The following SRA1 variants were observed in gnomAD, a reference collection of about 807,000 sequenced individuals.
SRA1 encodes lncRNA SRA.
SRA1 carries 25 observed loss-of-function variants against 24.3 expected under a neutral mutation model. The observed-to-expected ratio is 1.03, with a 90% confidence interval of 0.75 to 1.43. The LOEUF (loss-of-function observed/expected upper bound fraction) is 1.43, where lower values mean the gene tolerates loss of function less well. Among genes scored for constraint, SRA1 ranks in the 40% most tolerant of loss-of-function variants. The pLI is 0.00. For missense variants in SRA1, 303 were observed against 286.6 expected, an observed-to-expected ratio of 1.06 and a Z score of -0.41; for synonymous variants, 104 against 109.5, an observed-to-expected ratio of 0.95 and a Z score of 0.31.
intron 2 of SRA1, among the ~76,000 whole-genome samples, chr5:140,553,618 G>A (rs747047199): frequency 6.6e-6 from 1 of 152,190 alleles, no homozygotes; most frequent in Non-Finnish European, 1.5e-5. Flanking sequence ...TTGAGTCAAT[G>A]GTACTGGGAA....
At chr5:140,554,110 A>T (rs892833057) in intron 2 of SRA1, among the ~76,000 whole-genome samples, 2 of 151,912 alleles carry the variant, frequency 1.3e-5, no homozygotes, top group African/African-American at 4.8e-5. Context: ...CCAAAATCTG[A>T]TCACCCCCTT....
chr5:140,553,255 C>G (rs1347885592), intron 2 of SRA1, among the ~76,000 whole-genome samples: 1 of 150,932 alleles, frequency 6.6e-6, no homozygotes, highest in East Asian at 1.9e-4. Flanking sequence ...GCAGGAGGAT[C>G]GCTTGAGCCC....
Position 140,550,787 on chromosome 5 carries a change from C to T in SRA1, c.588G>A (p.Leu196=), listed in dbSNP as rs773072439. Reference sequence around the variant, plus strand: ...CTTCATTGGCTGCCTCCTCTGAAAACAGACTCCTCTTTTCTGCAATTAATC... The same window carrying T: ...CTTCATTGGCTGCCTCCTCTGAAAATAGACTCCTCTTTTCTGCAATTAATC... The part of the protein sequence containing the change: ...VKRLIAEKRS[L]FSEEAANEEK... The change falls in exon 5 of 5, where the codon CTG becomes CTA. Residue 196 remains leucine (L), a synonymous_variant. Transcript: ENST00000336283. 1.2e-6 allele frequency: 2 copies of T among 1,614,186 alleles called. No individual in the cohort carries two copies. The highest frequency in any genetic ancestry group is 8.5e-7 in the Non-Finnish European group (1 of 1,180,018).
chr5:140,555,726 A>T (rs758867923), intron 2 of SRA1, among the ~76,000 whole-genome samples: 10 of 152,086 alleles, frequency 6.6e-5, no homozygotes, highest in Admixed American at 2.6e-4. Flanking sequence ...CCTAAACTTC[A>T]CATGGCCCCC....
At position 140,550,674 on chromosome 5, in the gene SRA1, G is replaced by A. The variant is rs758350901; in HGVS notation, c.*26C>T. 6.2e-7 allele frequency: 1 copy of A among 1,608,782 alleles called. No homozygotes were observed. The highest frequency in any genetic ancestry group is 8.5e-7 in the Non-Finnish European group (1 of 1,175,184). On this transcript the variant is annotated 3_prime_UTR_variant, in exon 5 of 5. Transcript: ENST00000336283. ...AGGTCTCCAAGGCATAGGAGATGGT[G>A]TCCGGTGAGTCTGGGGAACCGAGGA...
At position 140,557,441 on chromosome 5, in the gene SRA1, C is replaced by T. The variant is rs761283470; in HGVS notation, c.12G>A (p.Leu4=). The change falls in exon 1 of 5, where the codon CTG becomes CTA. Residue 4 remains leucine (L), a synonymous_variant. Transcript: ENST00000336283. Reference sequence around the variant, plus strand: ...GGCTGCGCTCACCCGGCTTCACGTACAGCTCCGCCATCTCCACTTCCGCTT... The same window carrying T: ...GGCTGCGCTCACCCGGCTTCACGTATAGCTCCGCCATCTCCACTTCCGCTT... The part of the protein sequence containing the change: MAE[L]YVKPGNKERG... 8 of 1,564,486 alleles carry T rather than the reference C, an allele frequency of 5.1e-6. No homozygotes were observed. The highest frequency in any genetic ancestry group is 4.6e-5 in the South Asian group (4 of 86,934).
At chr5:140,552,355 G>A (rs1754589393) in intron 2 of SRA1, among the ~76,000 whole-genome samples, 171 bp from the exon 3 acceptor site, 1 of 152,188 alleles carries the variant, frequency 6.6e-6, no homozygotes, top group South Asian at 2.1e-4. Flanking sequence ...CTAAAGATTA[G>A]AAAAGTAAAC....
In SRA1 at chr5:140,550,888, C is replaced by T. The variant is rs766126898; in HGVS notation, c.487G>A (p.Ala163Thr). The T allele has an allele frequency of 5.0e-6, 8 of 1,613,964 alleles. No homozygotes were observed. In the East Asian group the frequency reaches 1.6e-4, roughly 31 times the overall value. ...AGGGAGCGGTGGATGTCATCTGCTG[C>T]GTCCCACCGGTGGCTTGAAAGCTCT... ...VQELSSHRWD[A>T]ADDIHRSLMV... Residue 163 changes from alanine to threonine, a missense_variant, in exon 5 of 5, where the codon GCA (alanine) becomes ACA (threonine). By Grantham distance (58) the Ala-to-Thr change is moderately conservative (BLOSUM62 0). Coordinates refer to ENST00000336283, the MANE Select transcript of SRA1 (RefSeq NM_001035235.4).
At chr5:140,557,060 G>C in intron 2 of SRA1, 87 bp downstream of exon 2, 1 of 1,282,866 alleles carries the variant, frequency 7.8e-7, no homozygotes, top group Non-Finnish European at 1.1e-6. Flanking sequence ...CCCTCGGGGA[G>C]AGAAAAAAGC....
intron 2 of SRA1, 57 bp from the exon 3 acceptor site, chr5:140,552,241 C>CT (rs113169291): frequency 5.4e-6 from 7 of 1,292,736 alleles, no homozygotes; most frequent in African/African-American, 1.5e-5. Context: ...AAGCTTAACT[C>CT]TAAATTCACC....
rs1215430893 is a variant in SRA1, at chr5:140,552,185, C to A, written c.152-1G>T. 4 of 1,555,374 alleles carry A rather than the reference C, an allele frequency of 2.6e-6. No individual in the cohort carries two copies. Among genetic ancestry groups the A allele is most frequent in the Admixed American group, 2.0e-5 (1 of 50,602 alleles). On this transcript the variant is annotated splice_acceptor_variant, in intron 2 of 4. Transcript: ENST00000336283. LOFTEE classifies it high-confidence loss of function. ...CCAGGAGAAGTCTCTGATGCGGGGA[C>A]TGAAAAGGTACAGCAGGATCAAGCA...
At chr5:140,553,477 T>C (rs1245238198) in intron 2 of SRA1, among the ~76,000 whole-genome samples, 1 of 152,188 alleles carries the variant, frequency 6.6e-6, no homozygotes, top group African/African-American at 2.4e-5. Context: ...GGAAAACTTT[T>C]GATTTGTTCA....
chr5:140,550,092 T>C lies in SRA1; in HGVS notation c.*608A>G, dbSNP rs1222278908. 2 of 155,300 alleles carry C rather than the reference T, an allele frequency of 1.3e-5. No homozygotes were observed. The highest frequency in any genetic ancestry group is 4.8e-5 in the African/African-American group (2 of 41,472). 9.6% of individuals were successfully genotyped at this position (155,300 alleles called of 1,614,324 possible). A position where few individuals can be genotyped will look rare whatever the true frequency, so the allele number is the denominator to read the frequency against. On this transcript the variant is annotated 3_prime_UTR_variant, in exon 5 of 5. Coordinates refer to ENST00000336283, the MANE Select transcript of SRA1 (RefSeq NM_001035235.4). ...ATGAGGCAGCAGTTTGTTTGGCAAG[T>C]CAGAGTTACAATCCCCAATCTCAGT...
At chr5:140,557,765 C>A, upstream of SRA1, 1 of 513,824 alleles carries the variant, frequency 1.9e-6, no homozygotes, top group Non-Finnish European at 3.4e-6. Context: ...ACATACACCC[C>A]GCTGTGATCT....
In SRA1 at chr5:140,550,871, G is replaced by A. The variant is rs2127115599; in HGVS notation, c.504C>T (p.His168=). 1 of 1,614,158 alleles carries A rather than the reference G, an allele frequency of 6.2e-7. No individual in the cohort carries two copies. Among genetic ancestry groups the A allele is most frequent in the Non-Finnish European group, 8.5e-7 (1 of 1,180,040 alleles). The change falls in exon 5 of 5, where the codon CAC becomes CAT. Residue 168 remains histidine, a synonymous_variant. Coordinates refer to ENST00000336283, the MANE Select transcript of SRA1 (RefSeq NM_001035235.4). ...TCACATGGTCAACCATGAGGGAGCG[G>A]TGGATGTCATCTGCTGCGTCCCACC... ...SHRWDAADDI[H]RSLMVDHVTE...
intron 2 of SRA1, among the ~76,000 whole-genome samples, chr5:140,555,940 T>C (rs1191749639): frequency 6.6e-6 from 1 of 152,248 alleles, no homozygotes; most frequent in Non-Finnish European, 1.5e-5. Context: ...GTAATTTGTC[T>C]TTCCACTTCC....
chr5:140,557,469 C>T lies in SRA1; in HGVS notation c.-17G>A, dbSNP rs2127123841. ...CTCCGCCATCTCCACTTCCGCTTGG[C>T]CAGCGGGGCAGCGCGTCATTTCCGG... On this transcript the variant is annotated 5_prime_UTR_variant, in exon 1 of 5. Transcript: ENST00000336283. 1 of 1,553,596 alleles carries T rather than the reference C, an allele frequency of 6.4e-7. No homozygotes were observed. Among genetic ancestry groups the T allele is most frequent in the Non-Finnish European group, 8.7e-7 (1 of 1,150,494 alleles).
intron 3 of SRA1, chr5:140,551,716 G>A: frequency 2.7e-6 from 1 of 366,500 alleles, no homozygotes; most frequent in Non-Finnish European, 4.9e-6. Flanking sequence ...TGGAGATACA[G>A]AAAATCAGGT....
chr5:140,557,259 G>C lies in SRA1; in HGVS notation c.39C>G (p.Arg13=). Residue 13 remains arginine, a synonymous_variant, in exon 2 of 5, where the codon CGC becomes CGG. Coordinates refer to ENST00000336283, the MANE Select transcript of SRA1 (RefSeq NM_001035235.4). ...ELYVKPGNKE[R]GWNDPPQFSY... ...AGAACTGCGGCGGGTCGTTCCAGCC[G>C]CGTTCCTTGTTGCCTGCGGAGGCGA... 1 of 1,612,010 alleles carries C rather than the reference G, an allele frequency of 6.2e-7. No homozygotes were observed.
Sources: gnomAD v4.1 joint callset for allele counts (sites outside exome capture counted in the v4.1 genomes callset) on GRCh38, gnomAD v4.1.1 for gene constraint, MANE v1.5 for transcripts, NCBI Gene and HGNC (gene_info 2026-07-23, HGNC 2026-07-21) for gene names.